The following ITCH variants were observed in gnomAD, a reference collection of about 807,000 sequenced individuals.
ITCH encodes E3 ubiquitin-protein ligase Itchy homolog.
ITCH carries 28 observed loss-of-function variants against 126.8 expected under a neutral mutation model. The observed-to-expected ratio is 0.22, with a 90% CI of 0.16 to 0.30. The LOEUF (loss-of-function observed/expected upper bound fraction) is 0.30. Ranked by LOEUF, ITCH falls within the 10% of genes least tolerant of loss-of-function variation. The pLI is 1.00. For missense variants in ITCH, 631 were observed against 1,032.4 expected, an observed-to-expected ratio of 0.61 and a Z score of 5.33; for synonymous variants, 342 against 340.0, an observed-to-expected ratio of 1.01 and a Z score of -0.06.
intron 17 of ITCH, among the ~76,000 whole-genome samples, chr20:34,478,737 TTA>T (rs1368633913): frequency 1.3e-5 from 2 of 152,212 alleles, no homozygotes; most frequent in African/African-American, 4.8e-5. Context: ...CTTATTTATA[TTA>T]TGTTTCTGAG....
chr20:34,365,882 T>G lies in ITCH; in HGVS notation c.-99+2533T>G, dbSNP rs1025185366. Among the ~76,000 whole-genome samples, 9 of 152,314 alleles carry G rather than the reference T, an allele frequency of 5.9e-5. No individual in the cohort carries two copies. In the South Asian group the frequency reaches 1.9e-3, roughly 32 times the overall value. The stretch of plus-strand genomic sequence containing the variant: ...ACCAATTTATTTTTAACACATGCCT[T>G]AGGTAATTCTGATGGTCTTGGGAAC... On this transcript the variant is annotated intron_variant, in intron 1 of 24. Coordinates refer to ENST00000374864, the MANE Select transcript of ITCH (RefSeq NM_031483.7).
chr20:34,438,599 C>T lies in ITCH; in HGVS notation c.647C>T (p.Ser216Leu), dbSNP rs567519259. 8.1e-6 allele frequency: 13 copies of T among 1,614,090 alleles called. No homozygotes were observed. Among genetic ancestry groups the T allele is most frequent in the Non-Finnish European group, 1.1e-5 (13 of 1,180,024 alleles). ...GFKPSRPPRP[S>L]RPPPPTPRRP... is the part of the protein sequence containing the mutation. ...AAACCTTCTAGACCTCCAAGACCTT[C>T]ACGACCACCACCACCCACCCCACGT... The change falls in exon 8 of 25, where the codon TCA becomes TTA. Residue 216 changes from serine (S) to leucine (L), a missense_variant. By Grantham distance (145) the Ser-to-Leu change is moderately radical. Around this residue, in one of 4 missense-constraint regions of ITCH, gnomAD observed 220 missense variants for 265.7 expected, o/e 0.83. Coordinates refer to ENST00000374864, the MANE Select transcript of ITCH (RefSeq NM_031483.7).
At chr20:34,492,645 C>A in intron 23 of ITCH, 48 bp downstream of exon 23, 4 of 1,196,894 alleles carry the variant, frequency 3.3e-6, no homozygotes, top group South Asian at 1.2e-5. Context: ...GTTTATCATG[C>A]TGCTTTACGT....
chr20:34,491,978 G>A (rs1264488186), intron 22 of ITCH, among the ~76,000 whole-genome samples: 1 of 152,088 alleles, frequency 6.6e-6, no homozygotes, highest in Non-Finnish European at 1.5e-5. Context: ...TATCCTATAG[G>A]ACGGGCAAAT....
chr20:34,498,665 C>T (rs1990042158), intron 23 of ITCH, among the ~76,000 whole-genome samples: 1 of 152,024 alleles, frequency 6.6e-6, no homozygotes, highest in South Asian at 2.1e-4. Context: ...ATCCTTGCAA[C>T]CTTTGGATCT....
At chr20:34,367,091 A>G (rs1314499372) in intron 1 of ITCH, among the ~76,000 whole-genome samples, 3 of 152,182 alleles carry the variant, frequency 2.0e-5, no homozygotes, top group Non-Finnish European at 4.4e-5. Context: ...TATGTTATGT[A>G]TAGTATGAGA....
chr20:34,474,540 T>C (rs2146436707), intron 16 of ITCH, among the ~76,000 whole-genome samples: 1 of 152,344 alleles, frequency 6.6e-6, no homozygotes, highest in East Asian at 1.9e-4. Flanking sequence ...CAGAACAAAA[T>C]GAAAAGTCTC....
chr20:34,371,750 T>A (rs1176118309), intron 2 of ITCH, among the ~76,000 whole-genome samples: 3 of 152,202 alleles, frequency 2.0e-5, no homozygotes, highest in African/African-American at 7.2e-5. Context: ...AAGCAGTTCT[T>A]TGTGGAAAGG....
At position 34,510,785 on chromosome 20, in the gene ITCH, C is replaced by T. The variant is rs965313005; in HGVS notation, c.*2991C>T. On this transcript the variant is annotated 3_prime_UTR_variant, in exon 25 of 25. Transcript: ENST00000374864. Reference sequence around the variant, plus strand: ...GTGGGAGGATCCCAGGAGTTCAAATCCTGCCTGGGCAACATAGCAAGACCC... The same window carrying T: ...GTGGGAGGATCCCAGGAGTTCAAATTCTGCCTGGGCAACATAGCAAGACCC... The T allele has an allele frequency of 3.3e-5, 5 of 152,032 alleles. No homozygotes were observed. The highest frequency in any genetic ancestry group is 7.4e-5 in the Non-Finnish European group (5 of 68,016). The allele number at this position is 152,032 out of a possible 1,614,324, so 9.4% of individuals were successfully genotyped here. A position where few individuals can be genotyped will look rare whatever the true frequency, so the allele number is the denominator to read the frequency against.
intron 12 of ITCH, among the ~76,000 whole-genome samples, chr20:34,450,553 G>T (rs1026734496): frequency 6.6e-6 from 1 of 152,172 alleles, no homozygotes; most frequent in Non-Finnish European, 1.5e-5. Flanking sequence ...AATACTCACA[G>T]CATTATATAG....
intron 14 of ITCH, among the ~76,000 whole-genome samples, chr20:34,467,601 A>G (rs374174524): frequency 8.6e-5 from 13 of 151,908 alleles, no homozygotes; most frequent in South Asian, 4.1e-4. Flanking sequence ...AGGTTCATCA[A>G]ACTTATAAGT....
intron 2 of ITCH, among the ~76,000 whole-genome samples, chr20:34,380,931 G>A (rs1353321340): frequency 6.6e-6 from 1 of 151,934 alleles, no homozygotes; most frequent in African/African-American, 2.4e-5. Context: ...GGGATTACAC[G>A]TATGTGTCAC....
At chr20:34,480,191 G>A (rs1169344251) in intron 18 of ITCH, among the ~76,000 whole-genome samples, 1 of 151,966 alleles carries the variant, frequency 6.6e-6, no homozygotes, top group Non-Finnish European at 1.5e-5. Flanking sequence ...AAGTCACCGT[G>A]CCCAGCCAGG....
chr20:34,458,862 A>G (rs1986260836), intron 13 of ITCH, among the ~76,000 whole-genome samples: 1 of 152,212 alleles, frequency 6.6e-6, no homozygotes, highest in Non-Finnish European at 1.5e-5. Flanking sequence ...CTGTTTCCAA[A>G]TAAGGTCACA....
Position 34,511,368 on chromosome 20 carries a change from T to G in ITCH, c.*3574T>G, listed in dbSNP as rs1296867832. The stretch of plus-strand genomic sequence containing the variant: ...TTTTCCTACAAGATGTAAGACTGTT[T>G]ATAATTAAACTTTTTTGGTCCTTCA... On this transcript the variant is annotated 3_prime_UTR_variant, in exon 25 of 25. Coordinates refer to ENST00000374864, the MANE Select transcript of ITCH (RefSeq NM_031483.7). 1.2e-4 allele frequency: 18 copies of G among 152,226 alleles called. No homozygotes were observed. The highest frequency in any genetic ancestry group is 1.2e-3 in the Admixed American group (18 of 15,288). 9.4% of individuals were successfully genotyped at this position (152,226 alleles called of 1,614,324 possible).
intron 1 of ITCH, among the ~76,000 whole-genome samples, chr20:34,364,411 C>G (rs751584805): frequency 1.1e-4 from 16 of 152,132 alleles, no homozygotes; most frequent in Non-Finnish European, 1.9e-4. Context: ...GGTTCTCCTG[C>G]ATCTTTTCCT....
At chr20:34,475,462 G>C (rs539408403) in intron 16 of ITCH, among the ~76,000 whole-genome samples, 3 of 152,182 alleles carry the variant, frequency 2.0e-5, no homozygotes, top group Non-Finnish European at 4.4e-5. Flanking sequence ...AGACCGGCCC[G>C]GCCAACACAT....
At chr20:34,364,017 A>G (rs1306907385) in intron 1 of ITCH, among the ~76,000 whole-genome samples, 2 of 152,114 alleles carry the variant, frequency 1.3e-5, no homozygotes, top group African/African-American at 4.8e-5. Flanking sequence ...TTTCTTTAGC[A>G]GAGAAAAGAA....
chr20:34,469,290 T>A (rs1157405236), intron 14 of ITCH, among the ~76,000 whole-genome samples: 1 of 151,284 alleles, frequency 6.6e-6, no homozygotes, highest in East Asian at 2.0e-4. Context: ...TTTTAGAAAA[T>A]CCTTCCTTTT....
Sources: allele counts gnomAD v4.1 joint callset (sites outside exome capture counted in the v4.1 genomes callset), GRCh38; gene constraint gnomAD v4.1.1; regional missense constraint gnomAD v4.1.1; transcripts MANE v1.5; gene names NCBI Gene and HGNC (gene_info 2026-07-23, HGNC 2026-07-21).